VEZT: variants seen among roughly 807,000 people sequenced by gnomAD.
VEZT encodes the protein vezatin.
Under a neutral mutation model 79.9 loss-of-function variants are expected in VEZT, and 39 were observed. That is an observed-to-expected ratio of 0.49 (90% CI 0.38 to 0.64). VEZT has a LOEUF of 0.64. Among genes scored for constraint, VEZT ranks in the 30% least tolerant of loss-of-function variants. VEZT has a pLI of 0.00. For synonymous variants in VEZT, 325 were observed against 327.6 expected (o/e 0.99, Z 0.09); for missense variants, 837 against 893.1 (o/e 0.94, Z 0.80).
At chr12:95,225,490 G>A (rs984225222) in intron 1 of VEZT, among the ~76,000 whole-genome samples, 4 of 152,070 alleles carry the variant, frequency 2.6e-5, no homozygotes, top group African/African-American at 9.7e-5. Flanking sequence ...CCAGGAGGCT[G>A]AGCTTGCAGT....
chr12:95,289,081 C>CAAAAAAAAA (rs71078697), intron 9 of VEZT, among the ~76,000 whole-genome samples: 4 of 123,042 alleles, frequency 3.3e-5, no homozygotes, highest in African/African-American at 8.6e-5. Flanking sequence ...GACTCCGTCT[C>CAAAAAAAAA]AAAAAAAAAA....
intron 6 of VEZT, among the ~76,000 whole-genome samples, chr12:95,274,538 A>T (rs1461636232): frequency 2.0e-5 from 3 of 152,196 alleles, no homozygotes; most frequent in African/African-American, 7.2e-5. Context: ...AGACATTAAA[A>T]ATTGTATCCA....
intron 1 of VEZT, among the ~76,000 whole-genome samples, chr12:95,222,354 TC>T (rs1184785886): frequency 2.0e-5 from 3 of 152,214 alleles, no homozygotes; most frequent in African/African-American, 7.2e-5. Context: ...CATTTTTTTT[TC>T]CCCGTATGGA....
At chr12:95,251,236 C>T (rs2062556001) in intron 1 of VEZT, among the ~76,000 whole-genome samples, 3 of 152,292 alleles carry the variant, frequency 2.0e-5, no homozygotes, top group Admixed American at 6.5e-5. Flanking sequence ...GTCTGAAACT[C>T]CTCACCTCAG....
chr12:95,247,591 G>A (rs1451653055), intron 1 of VEZT, among the ~76,000 whole-genome samples: 1 of 151,950 alleles, frequency 6.6e-6, no homozygotes, highest in Admixed American at 6.6e-5. Flanking sequence ...GTTCTAATAT[G>A]ATGTCATTAG....
rs1316185162 is a variant in VEZT at position 95,251,947 on chromosome 12, C to T, written c.44C>T (p.Pro15Leu). The change falls in exon 2 of 12, where the codon CCA (proline) becomes CTA (leucine). Residue 15 changes from proline (P) to leucine (L), a missense_variant. Pro to Leu is a moderately conservative substitution (Grantham distance 98, BLOSUM62 -3). Coordinates refer to ENST00000436874, the MANE Select transcript of VEZT (RefSeq NM_017599.4). ...FDEEVVFENS[P>L]LYQYLQDLGH... Reference sequence around the variant, plus strand: ...ATTTTGTGTCTTTTTCAGAATTCTCCACTTTACCAATACTTACAGGATCTG... The same window carrying T: ...ATTTTGTGTCTTTTTCAGAATTCTCTACTTTACCAATACTTACAGGATCTG... 2 of 1,598,380 alleles carry T rather than the reference C, an allele frequency of 1.3e-6. No individual in the cohort carries two copies. Among genetic ancestry groups the T allele is most frequent in the Non-Finnish European group, 1.7e-6 (2 of 1,175,044 alleles).
chr12:95,285,082 T>A (rs1220138801), intron 8 of VEZT, among the ~76,000 whole-genome samples: 1 of 106,126 alleles, frequency 9.4e-6, no homozygotes, highest in African/African-American at 4.1e-5. Context: ...CAAGACTCTG[T>A]CTCAAAAAAA....
intron 6 of VEZT, 57 bp downstream of exon 6, chr12:95,270,245 G>T: frequency 6.7e-7 from 1 of 1,497,008 alleles, no homozygotes; most frequent in Non-Finnish European, 9.0e-7. Flanking sequence ...CCTGAATATA[G>T]ATATTATAGT....
chr12:95,293,955 C>T, intron 9 of VEZT: 1 of 253,146 alleles, frequency 4.0e-6, no homozygotes, highest in South Asian at 4.9e-5. Context: ...GTGGTGTGAT[C>T]ACTGCTCACT....
At chr12:95,283,070 A>G (rs948337007) in intron 8 of VEZT, among the ~76,000 whole-genome samples, 3 of 152,146 alleles carry the variant, frequency 2.0e-5, no homozygotes, top group Admixed American at 6.5e-5. Flanking sequence ...ACATATTGCT[A>G]TTTTTCTAAA....
intron 7 of VEZT, among the ~76,000 whole-genome samples, chr12:95,275,316 G>A (rs2138984806): frequency 6.6e-6 from 1 of 152,242 alleles, no homozygotes; most frequent in Middle Eastern, 3.4e-3. Flanking sequence ...CTTTTGGGCT[G>A]GCCGGGTGGC....
chr12:95,248,259 A>G (rs1260406182), intron 1 of VEZT, among the ~76,000 whole-genome samples: 1 of 152,214 alleles, frequency 6.6e-6, no homozygotes, highest in Non-Finnish European at 1.5e-5. Context: ...AAGCAGAATA[A>G]ACTACTAGTA....
intron 5 of VEZT, among the ~76,000 whole-genome samples, chr12:95,267,507 C>T (rs2065762695): frequency 6.6e-6 from 1 of 152,106 alleles, no homozygotes; most frequent in Non-Finnish European, 1.5e-5. Context: ...TCTAGAAAAT[C>T]ATGAAAAGAG....
intron 11 of VEZT, chr12:95,299,917 T>C (rs2074960005): frequency 4.0e-6 from 1 of 251,726 alleles, no homozygotes; most frequent in Non-Finnish European, 7.4e-6. Context: ...ATATTTTAAA[T>C]AAGATAATAT....
chr12:95,276,704 G>C (rs2067859110), intron 7 of VEZT, among the ~76,000 whole-genome samples: 1 of 152,112 alleles, frequency 6.6e-6, no homozygotes, highest in African/African-American at 2.4e-5. Flanking sequence ...TGCAAGTATT[G>C]TTGTTAGCAT....
intron 1 of VEZT, among the ~76,000 whole-genome samples, chr12:95,232,529 C>A (rs1306861212): frequency 6.6e-6 from 1 of 152,182 alleles, no homozygotes; most frequent in Non-Finnish European, 1.5e-5. Context: ...ACTTCTCAAA[C>A]ATTACACAGT....
intron 9 of VEZT, among the ~76,000 whole-genome samples, chr12:95,289,348 C>T (rs1159696519): frequency 2.3e-5 from 3 of 128,828 alleles, no homozygotes; most frequent in Non-Finnish European, 3.1e-5. Flanking sequence ...ACCCAGGAGG[C>T]GGAGCTTGCA....
chr12:95,286,302 C>CATGT lies in VEZT; in HGVS notation c.1329-1348_1329-1345dup, dbSNP rs1305315193. 2.1e-4 allele frequency: 77 copies of CATGT among 373,776 alleles called. No individual in the cohort carries two copies. The East Asian group carries it at 4.4e-3, about 21-fold the overall frequency. 23.2% of individuals were successfully genotyped at this position (373,776 alleles called of 1,614,324 possible). On this transcript the variant is annotated intron_variant, in intron 8 of 11. Coordinates refer to ENST00000436874, the MANE Select transcript of VEZT (RefSeq NM_017599.4). Reference sequence around the variant, plus strand: ...CCACCGTGCCTGACCGCAAATTTTACATGTATGTATGTATGTAACAAGAAT... The same window carrying CATGT: ...CCACCGTGCCTGACCGCAAATTTTACATGTATGTATGTATGTATGTAACAAGAAT...
intron 1 of VEZT, among the ~76,000 whole-genome samples, chr12:95,224,902 AT>A (rs2058191283): frequency 6.6e-6 from 1 of 152,212 alleles, no homozygotes; most frequent in Non-Finnish European, 1.5e-5. Context: ...TTAGATTCTC[AT>A]AAGGAGCTCA....
Sources: gnomAD v4.1 joint callset for allele counts (sites outside exome capture counted in the v4.1 genomes callset) on GRCh38, gnomAD v4.1.1 for gene constraint, MANE v1.5 for transcripts, NCBI Gene and HGNC (gene_info 2026-07-23, HGNC 2026-07-21) for gene names.